Variants in CNTNAP5 observed in about 807,000 individuals in gnomAD.
The protein encoded by CNTNAP5 is contactin-associated protein-like 5.
CNTNAP5 carries 72 observed loss-of-function variants against 150.2 expected under a neutral mutation model. The ratio of observed to expected loss-of-function variants is 0.48; its 90% CI spans 0.40 to 0.58. CNTNAP5 has a LOEUF of 0.58. Among genes scored for constraint, CNTNAP5 ranks in the 20% least tolerant of loss-of-function variants. The pLI is 0.00. For missense variants in CNTNAP5, 1,636 were observed against 1,626.2 expected, an observed-to-expected ratio of 1.01 and a Z score of -0.10; for synonymous variants, 672 against 619.8, an observed-to-expected ratio of 1.08 and a Z score of -1.25.
intron 23 of CNTNAP5, among the ~76,000 whole-genome samples, chr2:124,912,521 G>A (rs1558823823): frequency 6.6e-6 from 1 of 152,048 alleles, no homozygotes; most frequent in Non-Finnish European, 1.5e-5. Flanking sequence ...GTGCACTCCT[G>A]AGAACATGAA....
chr2:124,791,334 T>C (rs10211440), intron 18 of CNTNAP5, among the ~76,000 whole-genome samples: 13,252 of 152,264 alleles, frequency 0.087, 1,059 homozygotes, highest in African/African-American at 0.21. Context: ...AGAAAATTAA[T>C]GGTAAAAATT....
At chr2:124,448,263 G>A (rs377264871) in intron 6 of CNTNAP5, among the ~76,000 whole-genome samples, 75 of 81,750 alleles carry the variant, frequency 9.2e-4, no homozygotes, top group Admixed American at 2.0e-3. Flanking sequence ...GTCAGACTCC[G>A]TCTTAAAATA....
intron 19 of CNTNAP5, among the ~76,000 whole-genome samples, chr2:124,851,185 T>A (rs1413892978): frequency 6.6e-6 from 1 of 151,990 alleles, no homozygotes; most frequent in African/African-American, 2.4e-5. Context: ...GCCAACATGG[T>A]GAAACCCCAT....
chr2:124,458,284 T>C (rs955392743), intron 6 of CNTNAP5, among the ~76,000 whole-genome samples: 1 of 73,390 alleles, frequency 1.4e-5, no homozygotes, highest in Admixed American at 2.5e-4. Context: ...ATATATATAA[T>C]GTAATATTTT....
chr2:124,439,351 AT>A (rs1692618477), intron 5 of CNTNAP5, among the ~76,000 whole-genome samples: 1 of 152,182 alleles, frequency 6.6e-6, no homozygotes, highest in Non-Finnish European at 1.5e-5. Flanking sequence ...ATCAGTCTCT[AT>A]TTTCAAGAGG....
chr2:124,398,291 C>T (rs1014750324), intron 3 of CNTNAP5, among the ~76,000 whole-genome samples: 1 of 152,092 alleles, frequency 6.6e-6, no homozygotes, highest in African/African-American at 2.4e-5. Flanking sequence ...AAGGAGAGTG[C>T]CACCAGCTTA....
In CNTNAP5 at chr2:124,914,393, CCATGTCTTTTCTGGAA is replaced by C; in HGVS notation, c.*109_*124del. 1.2e-6 allele frequency: 1 copy of C among 851,134 alleles called. No individual in the cohort carries two copies. The highest frequency in any genetic ancestry group is 1.8e-6 in the Non-Finnish European group (1 of 544,450). 52.7% of individuals were successfully genotyped at this position (851,134 alleles called of 1,614,324 possible). On this transcript the variant is annotated 3_prime_UTR_variant, in exon 24 of 24. Transcript: ENST00000682447. ...GGTCATTCTCTTTATTTTCTGCTTG[CCATGTCTTTTCTGGAA>C]CATACTTGCATCCACCACAGCATCA...
intron 3 of CNTNAP5, among the ~76,000 whole-genome samples, chr2:124,326,717 G>A (rs1273906645): frequency 6.6e-6 from 1 of 151,994 alleles, no homozygotes; most frequent in Non-Finnish European, 1.5e-5. Context: ...TTGAGCCCAC[G>A]TGTTCAAGAC....
chr2:124,401,058 G>A (rs1691411394), intron 3 of CNTNAP5, among the ~76,000 whole-genome samples: 1 of 152,010 alleles, frequency 6.6e-6, no homozygotes, highest in South Asian at 2.1e-4. Context: ...GTAGAAACGG[G>A]GTTTCACTAT....
chr2:124,777,498 T>C (rs1414853057), intron 17 of CNTNAP5, among the ~76,000 whole-genome samples: 1 of 152,112 alleles, frequency 6.6e-6, no homozygotes, highest in East Asian at 1.9e-4. Context: ...TTCTCTTTCC[T>C]CAGCCTCCTG....
intron 10 of CNTNAP5, among the ~76,000 whole-genome samples, chr2:124,549,039 T>C (rs1695576662): frequency 6.6e-6 from 1 of 152,226 alleles, no homozygotes; most frequent in African/African-American, 2.4e-5. Context: ...TGCTCAGACA[T>C]GGTAGCCTCT....
intron 6 of CNTNAP5, among the ~76,000 whole-genome samples, chr2:124,451,593 C>G (rs7609049): frequency 1.3e-5 from 2 of 152,048 alleles, no homozygotes; most frequent in Non-Finnish European, 2.9e-5. Context: ...AGACTCGCAT[C>G]GTGAACTTTG....
chr2:124,487,318 G>C (rs370706158), intron 7 of CNTNAP5, among the ~76,000 whole-genome samples: 77 of 152,142 alleles, frequency 5.1e-4, no homozygotes, highest in African/African-American at 1.7e-3. Context: ...GATTGACTAG[G>C]TCTTCAAGAA....
intron 1 of CNTNAP5, among the ~76,000 whole-genome samples, chr2:124,104,122 C>CA (rs1292409459): frequency 2.7e-5 from 4 of 150,880 alleles, no homozygotes; most frequent in Non-Finnish European, 5.9e-5. Context: ...GATACTACCT[C>CA]ATTTCTCAAC....
chr2:124,193,301 G>A (rs776495353), intron 1 of CNTNAP5, among the ~76,000 whole-genome samples: 1 of 152,204 alleles, frequency 6.6e-6, no homozygotes, highest in Non-Finnish European at 1.5e-5. Flanking sequence ...AATTTGTTGA[G>A]CGGGACATAA....
At chr2:124,637,183 T>A (rs1166639763) in intron 12 of CNTNAP5, among the ~76,000 whole-genome samples, 2 of 152,180 alleles carry the variant, frequency 1.3e-5, no homozygotes, top group African/African-American at 4.8e-5. Flanking sequence ...TATTCATAAT[T>A]CAAGCAGTGT....
chr2:124,345,996 C>T (rs939567513), intron 3 of CNTNAP5, among the ~76,000 whole-genome samples: 30 of 152,134 alleles, frequency 2.0e-4, no homozygotes, highest in Non-Finnish European at 4.4e-5. Context: ...TTTTAATCAA[C>T]AGTTGGCAAG....
chr2:124,145,643 G>A (rs1684220790), intron 1 of CNTNAP5, among the ~76,000 whole-genome samples: 1 of 65,624 alleles, frequency 1.5e-5, no homozygotes, highest in Admixed American at 1.9e-4. Flanking sequence ...GGGGACTGTG[G>A]TGGGGTCGGG....
chr2:124,364,206 A>G (rs962954539), intron 3 of CNTNAP5, among the ~76,000 whole-genome samples: 1 of 152,090 alleles, frequency 6.6e-6, no homozygotes, highest in African/African-American at 2.4e-5. Flanking sequence ...ACATTGGCTG[A>G]CTTGTTTTTT....
Sources: allele counts gnomAD v4.1 joint callset (sites outside exome capture counted in the v4.1 genomes callset), GRCh38; gene constraint gnomAD v4.1.1; transcripts MANE v1.5; gene names NCBI Gene and HGNC (gene_info 2026-07-23, HGNC 2026-07-21).